The following NAV2 variants were observed in gnomAD, a reference collection of about 807,000 sequenced individuals.
The protein encoded by NAV2 is neuron navigator 2.
In NAV2, 54 loss-of-function variants were observed where a neutral mutation model predicts 223.2. The observed-to-expected ratio is 0.24, with a 90% CI of 0.19 to 0.30. The LOEUF is 0.30. Ranked by LOEUF, NAV2 falls within the 10% of genes least tolerant of loss-of-function variation. NAV2 has a pLI of 1.00. For missense variants in NAV2, 2,806 were observed against 3,147.5 expected (o/e 0.89, Z 2.60); for synonymous variants, 1,279 against 1,239.3 (o/e 1.03, Z -0.67).
chr11:19,701,567 A>G (rs1344013586), intron 1 of NAV2, among the ~76,000 whole-genome samples: 1 of 152,182 alleles, frequency 6.6e-6, no homozygotes, highest in East Asian at 1.9e-4. Flanking sequence ...CCTCAGGGAG[A>G]CTAACTTTGT....
At chr11:20,051,218 C>G in intron 16 of NAV2, 71 bp from the exon 17 acceptor site, 1 of 1,354,818 alleles carries the variant, frequency 7.4e-7, no homozygotes, top group Non-Finnish European at 1.1e-6. Context: ...CAGTCCCCTC[C>G]CTAGCTTTCC....
chr11:19,558,221 C>T (rs1190950341), intron 1 of NAV2, among the ~76,000 whole-genome samples: 3 of 152,264 alleles, frequency 2.0e-5, no homozygotes, highest in South Asian at 2.1e-4. Context: ...CAAACCAAGC[C>T]GAAACAACTA....
intron 26 of NAV2, among the ~76,000 whole-genome samples, chr11:20,085,025 C>A (rs1024705140): frequency 6.6e-6 from 1 of 150,654 alleles, no homozygotes; most frequent in Non-Finnish European, 1.5e-5. Context: ...TCTGTCTCTA[C>A]AAAAAAAAAT....
At chr11:19,781,866 A>G (rs79630577) in intron 1 of NAV2, among the ~76,000 whole-genome samples, 167 of 152,306 alleles carry the variant, frequency 1.1e-3, no homozygotes, top group African/African-American at 3.8e-3. Flanking sequence ...ACATTATGAA[A>G]TGATTCCCAC....
chr11:19,541,125 G>C (rs1020235597), intron 1 of NAV2, among the ~76,000 whole-genome samples: 16 of 152,172 alleles, frequency 1.1e-4, no homozygotes, highest in African/African-American at 3.9e-4. Flanking sequence ...ATGAGGAGGA[G>C]AGATGCTACC....
intron 5 of NAV2, among the ~76,000 whole-genome samples, chr11:19,888,264 G>A (rs1445336183): frequency 6.6e-6 from 1 of 152,184 alleles, no homozygotes; most frequent in Non-Finnish European, 1.5e-5. Context: ...GGAGCTATTG[G>A]GACTTTCTGG....
intron 1 of NAV2, among the ~76,000 whole-genome samples, chr11:19,496,155 T>TC (rs1227399878): frequency 3.9e-5 from 6 of 152,256 alleles, no homozygotes; most frequent in African/African-American, 1.4e-4. Context: ...TGACTATTTT[T>TC]CTCAAGATAT....
intron 1 of NAV2, among the ~76,000 whole-genome samples, chr11:19,685,957 CAG>C (rs934881540): frequency 6.8e-6 from 1 of 146,396 alleles, no homozygotes; most frequent in African/African-American, 2.5e-5. Flanking sequence ...TAAAACTCTC[CAG>C]AGGCTTCTCA....
chr11:19,706,523 A>G (rs114963903), intron 1 of NAV2, among the ~76,000 whole-genome samples: 1 of 152,068 alleles, frequency 6.6e-6, no homozygotes, highest in Non-Finnish European at 1.5e-5. Flanking sequence ...TTTGTCATTC[A>G]TTTATTCCCC....
At chr11:19,524,833 G>T (rs2043794556) in intron 1 of NAV2, among the ~76,000 whole-genome samples, 1 of 152,118 alleles carries the variant, frequency 6.6e-6, no homozygotes, top group Non-Finnish European at 1.5e-5. Flanking sequence ...AAGCTTCTAG[G>T]CTTTCTACAA....
At chr11:19,875,844 C>T (rs1054206959) in intron 4 of NAV2, among the ~76,000 whole-genome samples, 7 of 152,224 alleles carry the variant, frequency 4.6e-5, no homozygotes, top group Non-Finnish European at 7.4e-5. Flanking sequence ...TGGACACCAG[C>T]GACTGTGGCA....
chr11:19,897,903 T>TATATATATATATACAC (rs927166131), intron 6 of NAV2, among the ~76,000 whole-genome samples: 4 of 147,600 alleles, frequency 2.7e-5, no homozygotes, highest in Middle Eastern at 3.4e-3. Context: ...TATATATATA[T>TATATATATATATACAC]ATGTGAGCAG....
intron 1 of NAV2, among the ~76,000 whole-genome samples, chr11:19,412,342 A>G (rs1211614899): frequency 6.6e-6 from 1 of 152,224 alleles, no homozygotes; most frequent in Non-Finnish European, 1.5e-5. Flanking sequence ...CACAGCTCAA[A>G]AAGCTGCTGT....
At chr11:19,958,375 A>G (rs1264218412) in intron 10 of NAV2, among the ~76,000 whole-genome samples, 1 of 152,234 alleles carries the variant, frequency 6.6e-6, no homozygotes, top group African/African-American at 2.4e-5. Flanking sequence ...TGTGAAGGAA[A>G]GATCATGCAA....
At chr11:20,117,966 G>T (rs1321968086) in intron 37 of NAV2, among the ~76,000 whole-genome samples, 167 bp from the exon 38 acceptor site, 3 of 152,116 alleles carry the variant, frequency 2.0e-5, no homozygotes, top group Non-Finnish European at 4.4e-5. Context: ...GTGAAGCTGG[G>T]ATTTGAACCC....
At chr11:19,437,518 C>T (rs1271546634) in intron 1 of NAV2, among the ~76,000 whole-genome samples, 4 of 152,038 alleles carry the variant, frequency 2.6e-5, no homozygotes, top group African/African-American at 7.2e-5. Context: ...CATTATTTTC[C>T]AGCAAAATTA....
At chr11:19,787,266 GGATCTTT>G (rs1333554761) in intron 1 of NAV2, among the ~76,000 whole-genome samples, 873 of 83,006 alleles carry the variant, frequency 0.011, 53 homozygotes, top group South Asian at 0.026. Flanking sequence ...AATTTTTATT[GGATCTTT>G]TTTTTTTTTT....
chr11:19,421,661 A>C (rs1225516238), intron 1 of NAV2, among the ~76,000 whole-genome samples: 1 of 151,302 alleles, frequency 6.6e-6, no homozygotes, highest in Non-Finnish European at 1.5e-5. Context: ...ATGGAGGTGG[A>C]AATTTGGAAA....
chr11:19,795,817 G>C (rs77228845), intron 1 of NAV2, among the ~76,000 whole-genome samples: 3,924 of 152,310 alleles, frequency 0.026, 161 homozygotes, highest in African/African-American at 0.09. Context: ...GGGACAAATT[G>C]TGGCTATTTC....
Sources: gnomAD v4.1 joint callset for allele counts (sites outside exome capture counted in the v4.1 genomes callset) on GRCh38, gnomAD v4.1.1 for gene constraint, MANE v1.5 for transcripts, NCBI Gene and HGNC (gene_info 2026-07-23, HGNC 2026-07-21) for gene names.